Variants in SLC4A8 observed in about 807,000 individuals in gnomAD.
SLC4A8 encodes the protein electroneutral sodium bicarbonate exchanger 1.
In SLC4A8, 40 loss-of-function variants were observed where a neutral mutation model predicts 125.0. That is an observed-to-expected ratio of 0.32 (90% confidence interval 0.25 to 0.42). SLC4A8 has a LOEUF of 0.42. Among genes scored for constraint, SLC4A8 ranks in the 10% least tolerant of loss-of-function variants. SLC4A8 has a pLI of 1.00. For missense variants in SLC4A8, 863 were observed against 1,355.1 expected (o/e 0.64, Z 5.70); for synonymous variants, 456 against 476.0 (o/e 0.96, Z 0.55).
At chr12:51,474,894 C>T (rs1238643603) in intron 15 of SLC4A8, 151 bp from the exon 16 acceptor site, 5 of 688,894 alleles carry the variant, frequency 7.3e-6, no homozygotes, top group Non-Finnish European at 1.2e-5. Flanking sequence ...TGCAAGACAG[C>T]ACCCCGCAAC....
rs1950821053 is a variant in SLC4A8 at position 51,475,116 on chromosome 12, C to T, written c.2082C>T (p.Val694=). The change falls in exon 16 of 25, where the codon GTC becomes GTT. Residue 694 remains valine (V), a synonymous_variant. Transcript: ENST00000453097. The stretch of plus-strand genomic sequence containing the variant: ...ATCATGGACCCTACACTCCTGATGT[C>T]CTCTTTTGGTCCTGTATTCTCTTTT... The part of the protein sequence containing the change: ...CGHHGPYTPD[V]LFWSCILFFT... 10 of 1,613,814 alleles carry T rather than the reference C, an allele frequency of 6.2e-6. No homozygotes were observed. Among genetic ancestry groups the T allele is most frequent in the Non-Finnish European group, 8.5e-6 (10 of 1,179,808 alleles).
At chr12:51,448,827 G>A (rs1949872878) in intron 2 of SLC4A8, among the ~76,000 whole-genome samples, 1 of 152,214 alleles carries the variant, frequency 6.6e-6, no homozygotes, top group Non-Finnish European at 1.5e-5. Context: ...ATATGCAGAG[G>A]CTGTGGAACA....
At chr12:51,434,701 C>T (rs1949345782) in intron 1 of SLC4A8, among the ~76,000 whole-genome samples, 1 of 152,110 alleles carries the variant, frequency 6.6e-6, no homozygotes. Flanking sequence ...CTCCCTCCCT[C>T]TGTTTCTCTA....
At chr12:51,470,939 A>G (rs1175597216) in intron 13 of SLC4A8, among the ~76,000 whole-genome samples, 1 of 151,738 alleles carries the variant, frequency 6.6e-6, no homozygotes, top group Non-Finnish European at 1.5e-5. Context: ...TTTCCTATAC[A>G]ATCTTTTCTT....
intron 5 of SLC4A8, 106 bp downstream of exon 5, chr12:51,453,805 T>G: frequency 9.5e-7 from 1 of 1,048,070 alleles, no homozygotes; most frequent in East Asian, 3.0e-5. Context: ...TGTGTGTCCT[T>G]GGGCAAGCCA....
Position 51,474,406 on chromosome 12 carries a change from A to G in SLC4A8, c.1969A>G (p.Ile657Val). The G allele has an allele frequency of 6.2e-7, 1 of 1,613,650 alleles. No individual in the cohort carries two copies. ...CCTCCAGTACTGGAAGGACCACAAC[A>G]TCGTGACAGCAGAAGTCCACTGGGC... ...HTLQYWKDHN[I>V]VTAEVHWANL... Residue 657 changes from isoleucine (I) to valine (V), a missense_variant, in exon 15 of 25, where the codon ATC becomes GTC. Physicochemically the swap from Ile to Val is conservative, Grantham distance 29. Coordinates refer to ENST00000453097, the MANE Select transcript of SLC4A8 (RefSeq NM_001039960.3).
intron 16 of SLC4A8, among the ~76,000 whole-genome samples, chr12:51,482,631 C>G (rs1951060475): frequency 6.6e-6 from 1 of 152,210 alleles, no homozygotes; most frequent in Non-Finnish European, 1.5e-5. Context: ...CCACCCACGT[C>G]AGCCTCCCAA....
chr12:51,406,918 G>A (rs2137954037), intron 1 of SLC4A8, among the ~76,000 whole-genome samples: 1 of 152,376 alleles, frequency 6.6e-6, no homozygotes, highest in East Asian at 1.9e-4. Flanking sequence ...TTTGAGGCCT[G>A]TGAAAGGAAG....
intron 1 of SLC4A8, among the ~76,000 whole-genome samples, chr12:51,433,788 G>A (rs1308197736): frequency 2.0e-5 from 3 of 150,148 alleles, no homozygotes; most frequent in Non-Finnish European, 4.4e-5. Flanking sequence ...GCAAAGTAGA[G>A]AGATTTTGCA....
At chr12:51,496,283 CT>C (rs1565821306) in intron 21 of SLC4A8, among the ~76,000 whole-genome samples, 2 of 152,196 alleles carry the variant, frequency 1.3e-5, no homozygotes, top group Non-Finnish European at 2.9e-5. Context: ...CCAATTATAG[CT>C]GATGAACAGC....
Position 51,411,045 on chromosome 12 carries a change from G to GTT in SLC4A8, c.-112+19576_-112+19577dup, listed in dbSNP as rs58816269. 6.9e-3 allele frequency among the ~76,000 whole-genome samples: 852 copies of GTT among 122,896 alleles called. 12 individuals carry two copies. Among genetic ancestry groups the GTT allele is most frequent in the South Asian group, 0.018 (72 of 3,910 alleles). 80.6% of individuals were successfully genotyped at this position (122,896 alleles called of 152,430 possible). On this transcript the variant is annotated intron_variant, in intron 1 of 24. Coordinates refer to the SLC4A8 transcript ENST00000358657. ...GTGAGCCACTGCTCCTGGCCAATCT[G>GTT]TTTTTTTTTTTTTTTTTTTTAAATA...
chr12:51,503,361 G>A (rs1157718866), intron 22 of SLC4A8, among the ~76,000 whole-genome samples: 4 of 150,858 alleles, frequency 2.7e-5, no homozygotes, highest in African/African-American at 7.3e-5. Flanking sequence ...ACAGGCGCCC[G>A]CCACCACACC....
intron 11 of SLC4A8, among the ~76,000 whole-genome samples, chr12:51,463,918 A>G (rs938467091): frequency 1.3e-5 from 2 of 152,084 alleles, no homozygotes; most frequent in Non-Finnish European, 2.9e-5. Flanking sequence ...CAAATCACCT[A>G]CCATGTTTTG....
intron 22 of SLC4A8, among the ~76,000 whole-genome samples, chr12:51,500,124 G>A (rs1277676837): frequency 6.6e-6 from 1 of 152,180 alleles, no homozygotes; most frequent in Non-Finnish European, 1.5e-5. Context: ...ATGAATGGTT[G>A]TGCTATTTAT....
At position 51,475,077 on chromosome 12, in the gene SLC4A8, A is replaced by T. The variant is rs756025812; in HGVS notation, c.2043A>T (p.Gly681=). The T allele has an allele frequency of 1.2e-6, 2 of 1,613,768 alleles. No homozygotes were observed. The highest frequency in any genetic ancestry group is 1.7e-6 in the Non-Finnish European group (2 of 1,179,936). ...AGGAGATGCATGGAGAGTTCATGGGATCTGCGTGCGGCCATCATGGACCCT... is the reference window on the plus strand; with the variant it reads ...AGGAGATGCATGGAGAGTTCATGGGTTCTGCGTGCGGCCATCATGGACCCT... ...ECQEMHGEFM[G]SACGHHGPYT... is the part of the protein sequence containing the mutation. Residue 681 remains glycine, a synonymous_variant, in exon 16 of 25, where the codon GGA becomes GGT. Transcript: ENST00000453097.
At chr12:51,459,522 T>C (rs1445934587) in intron 7 of SLC4A8, among the ~76,000 whole-genome samples, 1 of 151,922 alleles carries the variant, frequency 6.6e-6, no homozygotes, top group Non-Finnish European at 1.5e-5. Context: ...AAGGATCAAA[T>C]AAAATAAGAA....
intron 7 of SLC4A8, 53 bp from the exon 8 acceptor site, chr12:51,459,898 G>T: frequency 6.8e-7 from 1 of 1,477,720 alleles, no homozygotes; most frequent in Non-Finnish European, 9.3e-7. Context: ...ATTTAAAAAC[G>T]ATATTTAAGG....
At position 51,494,994 on chromosome 12, in the gene SLC4A8, A is replaced by G; in HGVS notation, c.2819A>G (p.Asp940Gly). Residue 940 changes from aspartate (D) to glycine (G), a missense_variant, in exon 21 of 25, where the codon GAT becomes GGT. Around this residue, in one of 6 missense-constraint regions of SLC4A8, gnomAD observed 197 missense variants for 377.7 expected, o/e 0.52. Transcript: ENST00000453097. ...GGGATGCCCGCAAAGCACCAGCCAGATTTCATCTACCTGCGGCATGTGCCG... is the reference window on the plus strand; with the variant it reads ...GGGATGCCCGCAAAGCACCAGCCAGGTTTCATCTACCTGCGGCATGTGCCG... Reference protein sequence around the residue: ...LFGMPAKHQPDFIYLRHVPLR... With the variant: ...LFGMPAKHQPGFIYLRHVPLR... 1 of 1,614,172 alleles carries G rather than the reference A, an allele frequency of 6.2e-7. No individual in the cohort carries two copies.
chr12:51,425,268 C>A, intron 1 of SLC4A8: 1 of 1,314,436 alleles, frequency 7.6e-7, no homozygotes, highest in Non-Finnish European at 9.7e-7. Context: ...CTGCCGCATC[C>A]CTTGCGCCGC....
Sources: gnomAD v4.1 joint callset for allele counts (sites outside exome capture counted in the v4.1 genomes callset) on GRCh38, gnomAD v4.1.1 for gene constraint, gnomAD v4.1.1 regional missense constraint, MANE v1.5 for transcripts, NCBI Gene and HGNC (gene_info 2026-07-23, HGNC 2026-07-21) for gene names.